The following CHRDL1 variants were observed in gnomAD, a reference collection of about 807,000 sequenced individuals.
The protein encoded by CHRDL1 is chordin like 1, also known as chordin-like protein 1.
In CHRDL1, 19 loss-of-function variants were observed where a neutral mutation model predicts 40.9. That is an observed-to-expected ratio of 0.46 (90% CI 0.32 to 0.68). The LOEUF is 0.68. Among genes scored for constraint, CHRDL1 ranks in the 30% least tolerant of loss-of-function variants. CHRDL1 has a pLI of 0.03. For synonymous variants in CHRDL1, 136 were observed against 123.4 expected (o/e 1.10, Z -0.68); for missense variants, 329 against 352.1 (o/e 0.93, Z 0.53).
At chrX:110,710,569 G>C (rs757195377) in intron 6 of CHRDL1, among the ~76,000 whole-genome samples, 2 of 112,357 alleles carry the variant, frequency 1.8e-5, no homozygotes, top group Non-Finnish European at 3.8e-5. Context: ...CCCATCCACT[G>C]TCTGAATGAC....
At chrX:110,762,665 T>C in intron 3 of CHRDL1, 30 bp downstream of exon 3, 5 of 872,510 alleles carry the variant, frequency 5.7e-6, no homozygotes, top group Non-Finnish European at 8.4e-6. Flanking sequence ...AGGAGCAAAC[T>C]GGGAAATCAC....
chrX:110,755,955 C>T (rs2089445455), intron 4 of CHRDL1, among the ~76,000 whole-genome samples: 1 of 111,791 alleles, frequency 8.9e-6, no homozygotes, highest in South Asian at 3.8e-4. Flanking sequence ...AGTAAAGAGA[C>T]TAAAATTATC....
At chrX:110,688,480 G>T in intron 9 of CHRDL1, 114 bp downstream of exon 9, 1 of 528,314 alleles carries the variant, frequency 1.9e-6, no homozygotes, top group Admixed American at 3.1e-5. Flanking sequence ...ATTATTATTA[G>T]AAATATTATC....
intron 2 of CHRDL1, among the ~76,000 whole-genome samples, chrX:110,789,938 G>A (rs1434584101): frequency 8.9e-6 from 1 of 111,794 alleles, no homozygotes; most frequent in African/African-American, 3.2e-5. Flanking sequence ...AATAAACAGT[G>A]TTTTTAATAG....
chrX:110,691,938 T>C (rs1379170447), intron 8 of CHRDL1, among the ~76,000 whole-genome samples: 2 of 109,413 alleles, frequency 1.8e-5, no homozygotes, highest in Non-Finnish European at 3.8e-5. Context: ...TTTTTTTTTT[T>C]CTCCCCAAAC....
intron 2 of CHRDL1, among the ~76,000 whole-genome samples, chrX:110,791,791 G>A (rs1238710314): frequency 8.9e-6 from 1 of 111,797 alleles, no homozygotes; most frequent in Non-Finnish European, 1.9e-5. Context: ...CTAGAGTTAC[G>A]TAAAATGTAA....
intron 1 of CHRDL1, among the ~76,000 whole-genome samples, chrX:110,795,170 T>C (rs779078630): frequency 1.8e-5 from 2 of 111,720 alleles, no homozygotes; most frequent in South Asian, 3.8e-4. Flanking sequence ...CAAATAACTT[T>C]AGTGGCAGGG....
chrX:110,694,150 G>T lies in CHRDL1; in HGVS notation c.778+13C>A, dbSNP rs774385354. The stretch of plus-strand genomic sequence containing the variant: ...CTTGTTGTGGAAGTATACAAAAGAA[G>T]GATGCCCCTTACCTTGTCCATGCTT... On this transcript the variant is annotated intron_variant, in intron 8 of 11. Coordinates refer to ENST00000372042, the MANE Select transcript of CHRDL1 (RefSeq NM_001143981.2). 43 of 1,185,396 alleles carry T rather than the reference G, an allele frequency of 3.6e-5. No homozygotes were observed. The Middle Eastern group carries it at 7.0e-4, about 19-fold the overall frequency.
chrX:110,740,735 A>AT (rs1041215568), intron 4 of CHRDL1, among the ~76,000 whole-genome samples: 22 of 111,720 alleles, frequency 2.0e-4, no homozygotes, highest in African/African-American at 6.8e-4. Flanking sequence ...GATAAGAGTG[A>AT]TTTTTTCCCC....
Position 110,730,945 on chromosome X carries a change from C to G in CHRDL1, c.302-9415G>C, listed in dbSNP as rs138843442. ...CCTTCATACATCCTTTGGCCTCCCA[C>G]CCTTCGTTGCCCAGCTCTTGTCTTG... On this transcript the variant is annotated intron_variant, in intron 4 of 11. Coordinates refer to ENST00000372042, the MANE Select transcript of CHRDL1 (RefSeq NM_001143981.2). 8.5e-3 allele frequency among the ~76,000 whole-genome samples: 951 copies of G among 111,818 alleles called. 4 individuals carry two copies. The highest frequency in any genetic ancestry group is 0.028 in the Middle Eastern group (6 of 217).
At chrX:110,781,636 G>T (rs2089944648) in intron 2 of CHRDL1, among the ~76,000 whole-genome samples, 1 of 110,644 alleles carries the variant, frequency 9.0e-6, no homozygotes, top group South Asian at 4.0e-4. Flanking sequence ...GATAATAAAA[G>T]ATAAAGACCA....
At chrX:110,758,129 A>C (rs762685082) in intron 4 of CHRDL1, among the ~76,000 whole-genome samples, 1 of 105,459 alleles carries the variant, frequency 9.5e-6, no homozygotes, top group Admixed American at 1.0e-4. Flanking sequence ...AAACAAAAAA[A>C]CAAAAAAAAA....
At position 110,679,341 on chromosome X, in the gene CHRDL1, G is replaced by A. The variant is rs751653692; in HGVS notation, c.1241C>T (p.Thr414Ile). Residue 414 changes from threonine to isoleucine, a missense_variant, in exon 11 of 12, where the codon ACC becomes ATC. Coordinates refer to ENST00000372042, the MANE Select transcript of CHRDL1 (RefSeq NM_001143981.2). Reference protein sequence around the residue: ...LPHFKLVTRTTLSQWKIFTEG... With the variant: ...LPHFKLVTRTILSQWKIFTEG... Reference sequence around the variant, plus strand: ...TCAAGAGAAGTACTACTTACTCAGGGTTGTTCTGGTCACCAGCTTGAAGTG... The same window carrying A: ...TCAAGAGAAGTACTACTTACTCAGGATTGTTCTGGTCACCAGCTTGAAGTG... 53 of 1,186,009 alleles carry A rather than the reference G, an allele frequency of 4.5e-5. No homozygotes were observed. The highest frequency in any genetic ancestry group is 2.3e-4 in the Middle Eastern group (1 of 4,304).
intron 10 of CHRDL1, 99 bp from the exon 11 acceptor site, chrX:110,679,524 A>G: frequency 1.8e-6 from 1 of 564,471 alleles, no homozygotes; most frequent in Non-Finnish European, 3.1e-6. Context: ...TTTCATTACT[A>G]GGGCTTAAGA....
chrX:110,752,762 G>C (rs1180471361), intron 4 of CHRDL1, among the ~76,000 whole-genome samples: 2 of 110,686 alleles, frequency 1.8e-5, no homozygotes, highest in African/African-American at 6.6e-5. Flanking sequence ...ACCTTACTAG[G>C]GAAAACAATA....
rs1415437541 is a variant in CHRDL1 at position 110,779,037 on chromosome X, A to G, written c.94+13051T>C. On this transcript the variant is annotated intron_variant, in intron 2 of 11. Coordinates refer to ENST00000372042, the MANE Select transcript of CHRDL1 (RefSeq NM_001143981.2). ...CTGCATGTTCTGACTTATAAGTGAG[A>G]GCTAAATAATGAGAACCAATGGGCA... 3.6e-5 allele frequency among the ~76,000 whole-genome samples: 4 copies of G among 111,518 alleles called. No homozygotes were observed. The East Asian group carries it at 8.4e-4, about 23-fold the overall frequency.
intron 4 of CHRDL1, among the ~76,000 whole-genome samples, chrX:110,724,630 C>A (rs1404298413): frequency 2.7e-5 from 3 of 109,819 alleles, no homozygotes; most frequent in Non-Finnish European, 5.7e-5. Context: ...AACAAGAGAG[C>A]CAACTCAGAA....
intron 4 of CHRDL1, among the ~76,000 whole-genome samples, chrX:110,739,928 C>T (rs757115745): frequency 1.8e-5 from 2 of 112,606 alleles, no homozygotes; most frequent in East Asian, 5.6e-4. Flanking sequence ...GAAATCAAAA[C>T]CAGAGTTATG....
intron 4 of CHRDL1, among the ~76,000 whole-genome samples, chrX:110,743,888 G>A (rs1427703349): frequency 1.8e-5 from 2 of 111,223 alleles, no homozygotes; most frequent in Non-Finnish European, 3.8e-5. Flanking sequence ...GGATGGTGGT[G>A]AGGCGGGTAG....
Sources: gnomAD v4.1 joint callset for allele counts (sites outside exome capture counted in the v4.1 genomes callset) on GRCh38, gnomAD v4.1.1 for gene constraint, MANE v1.5 for transcripts, NCBI Gene and HGNC (gene_info 2026-07-23, HGNC 2026-07-21) for gene names.